The following C9 variants were observed in gnomAD, a reference collection of about 807,000 sequenced individuals.
C9 encodes complement component C9.
C9 carries 63 observed loss-of-function variants against 65.4 expected under a neutral mutation model. The ratio of observed to expected loss-of-function variants is 0.96; its 90% confidence interval spans 0.79 to 1.19. C9 has a LOEUF of 1.19. C9 is among the 50% of genes most tolerant of loss of function. The pLI is 0.00. For missense variants in C9, 744 were observed against 670.1 expected (o/e 1.11, Z -1.22); for synonymous variants, 229 against 227.9 (o/e 1.00, Z -0.04).
rs373275176 is a variant in C9 at position 39,364,351 on chromosome 5, A to C, written c.77+37T>G. On this transcript the variant is annotated intron_variant, in intron 1 of 10. Coordinates refer to ENST00000263408, the MANE Select transcript of C9 (RefSeq NM_001737.5). ...GACCTTGAGATGCTAATCCTACAGG[A>C]AACTTCCAGAGACAAGCAGAAAAGT... The C allele has an allele frequency of 2.8e-3, 3,312 of 1,187,262 alleles. 93 individuals are homozygous for C. The South Asian group carries it at 0.037, about 13-fold the overall frequency. The allele number at this position is 1,187,262 out of a possible 1,614,324, so 73.5% of individuals were successfully genotyped here.
chr5:39,308,434 T>C, intron 7 of C9, 76 bp from the exon 8 acceptor site: 1 of 1,074,206 alleles, frequency 9.3e-7, no homozygotes, highest in Non-Finnish European at 1.4e-6. Context: ...TTTGCTATTT[T>C]CAAGCAACAT....
intron 1 of C9, among the ~76,000 whole-genome samples, chr5:39,343,753 G>C (rs1267029278): frequency 6.6e-6 from 1 of 152,184 alleles, no homozygotes; most frequent in Non-Finnish European, 1.5e-5. Context: ...TCCCCAAGTA[G>C]CCTAACTGGG....
intron 6 of C9, among the ~76,000 whole-genome samples, chr5:39,314,705 T>G (rs962370453): frequency 6.6e-6 from 1 of 152,190 alleles, no homozygotes. Context: ...ACTCTTTGGC[T>G]ATCTCCTCTC....
chr5:39,341,206 C>G lies in C9; in HGVS notation c.416G>C (p.Arg139Pro), dbSNP rs144527313. The G allele has an allele frequency of 6.2e-7, 1 of 1,614,026 alleles. No individual in the cohort carries two copies. The highest frequency in any genetic ancestry group is 1.7e-5 in the Admixed American group (1 of 60,000). ...SDEDDCESEP[R>P]PPCRDRVVEE... ...TACCACTCTGTCTCTGCAGGGGGGACGGGGCTCACTTTCACAATCATCCTC... is the reference window on the plus strand; with the variant it reads ...TACCACTCTGTCTCTGCAGGGGGGAGGGGGCTCACTTTCACAATCATCCTC... Residue 139 changes from arginine (R) to proline (P), a missense_variant, in exon 4 of 11, where the codon CGT becomes CCT. Arg to Pro is a moderately radical substitution (Grantham distance 103). Coordinates refer to ENST00000263408, the MANE Select transcript of C9 (RefSeq NM_001737.5).
chr5:39,324,148 G>C (rs1579858634), intron 5 of C9, among the ~76,000 whole-genome samples: 1 of 152,148 alleles, frequency 6.6e-6, no homozygotes, highest in East Asian at 1.9e-4. Flanking sequence ...ATAAAACATT[G>C]ATGAAAGAAA....
chr5:39,285,232 T>C lies in C9; in HGVS notation c.1647A>G (p.Gly549=), dbSNP rs1752970691. The change falls in exon 11 of 11, where the codon GGA becomes GGG. Residue 549 remains glycine, a splice_region_variant and synonymous_variant. Coordinates refer to ENST00000263408, the MANE Select transcript of C9 (RefSeq NM_001737.5). Reference sequence around the variant, plus strand: ...CATTGGGGAACTCTAGGGCTGGCAATCCTAGAGAAAACAAATAAGTATCAA... The same window carrying C: ...CATTGGGGAACTCTAGGGCTGGCAACCCTAGAGAAAACAAATAAGTATCAA... ...CEISKQKISE[G]LPALEFPNEK is the part of the protein sequence containing the mutation. The C allele has an allele frequency of 1.9e-6, 3 of 1,611,952 alleles. No individual in the cohort carries two copies. The highest frequency in any genetic ancestry group is 3.3e-5 in the Admixed American group (2 of 59,912).
chr5:39,329,173 C>G (rs1406036632), intron 5 of C9, among the ~76,000 whole-genome samples: 2 of 152,092 alleles, frequency 1.3e-5, no homozygotes, highest in African/African-American at 4.8e-5. Flanking sequence ...ATCACTCCCC[C>G]CTCCCCTTTT....
At chr5:39,333,194 A>AT (rs11376618) in intron 4 of C9, among the ~76,000 whole-genome samples, 152,248 of 152,248 alleles carry the variant, frequency 1, 76,124 homozygotes, top group Non-Finnish European at 1. Flanking sequence ...ATAAATTAAA[A>AT]TTTTGTCCCA....
intron 5 of C9, among the ~76,000 whole-genome samples, chr5:39,326,529 G>T (rs541978583): frequency 8.5e-5 from 13 of 152,216 alleles, no homozygotes; most frequent in African/African-American, 3.1e-4. Context: ...AACTCTCAGG[G>T]TTTTGCTCTC....
chr5:39,308,163 A>G, intron 8 of C9, 67 bp downstream of exon 8: 1 of 1,375,660 alleles, frequency 7.3e-7, no homozygotes, highest in South Asian at 1.2e-5. Flanking sequence ...GCTCATTGCA[A>G]GAGGGCAGTG....
chr5:39,322,099 G>A (rs10213910), intron 5 of C9, among the ~76,000 whole-genome samples: 4,480 of 151,818 alleles, frequency 0.03, 202 homozygotes, highest in African/African-American at 0.1. Context: ...TCGTATATTA[G>A]GCCATAAAAC....
chr5:39,324,674 A>T (rs1007827437), intron 5 of C9, among the ~76,000 whole-genome samples: 1 of 152,200 alleles, frequency 6.6e-6, no homozygotes, highest in Admixed American at 6.5e-5. Context: ...TGGGAAATGG[A>T]AAAATCCATC....
At position 39,364,357 on chromosome 5, in the gene C9, C is replaced by G. The variant is rs1421985677; in HGVS notation, c.77+31G>C. 8 of 1,310,126 alleles carry G rather than the reference C, an allele frequency of 6.1e-6. 1 individual carries two copies. The Middle Eastern group carries it at 7.3e-4, about 119-fold the overall frequency. 81.2% of individuals were successfully genotyped at this position (1,310,126 alleles called of 1,614,324 possible). A position where few individuals can be genotyped will look rare whatever the true frequency, so the allele number is the denominator to read the frequency against. On this transcript the variant is annotated intron_variant, in intron 1 of 10. Coordinates refer to ENST00000263408, the MANE Select transcript of C9 (RefSeq NM_001737.5). Reference sequence around the variant, plus strand: ...GAGATGCTAATCCTACAGGAAACTTCCAGAGACAAGCAGAAAAGTAACTGA... The same window carrying G: ...GAGATGCTAATCCTACAGGAAACTTGCAGAGACAAGCAGAAAAGTAACTGA...
intron 1 of C9, among the ~76,000 whole-genome samples, chr5:39,363,172 T>A (rs1040775330): frequency 2.6e-5 from 4 of 152,160 alleles, no homozygotes; most frequent in Non-Finnish European, 5.9e-5. Flanking sequence ...CCTTTCCAAA[T>A]CCCTTTTGTG....
intron 1 of C9, among the ~76,000 whole-genome samples, chr5:39,361,961 A>G (rs528432235): frequency 1.4e-4 from 21 of 152,332 alleles, no homozygotes; most frequent in Admixed American, 1.3e-3. Flanking sequence ...AAGATAGCAA[A>G]GTGAAAGCAC....
intron 1 of C9, among the ~76,000 whole-genome samples, chr5:39,344,979 T>A (rs530535570): frequency 6.6e-5 from 10 of 152,142 alleles, no homozygotes; most frequent in African/African-American, 2.2e-4. Flanking sequence ...GCAGAGAGAT[T>A]TTGTCACCAC....
At chr5:39,348,449 C>T (rs1239368838) in intron 1 of C9, among the ~76,000 whole-genome samples, 12 of 152,196 alleles carry the variant, frequency 7.9e-5, no homozygotes, top group Admixed American at 3.3e-4. Flanking sequence ...ATCAGAGAAA[C>T]GCAAATCAAA....
At chr5:39,299,170 T>C (rs1438558116) in intron 9 of C9, among the ~76,000 whole-genome samples, 1 of 151,822 alleles carries the variant, frequency 6.6e-6, no homozygotes, top group Non-Finnish European at 1.5e-5. Flanking sequence ...ATTGAGAAAA[T>C]AAAGAAATCT....
intron 6 of C9, among the ~76,000 whole-genome samples, chr5:39,313,564 T>TAGA (rs2111891938): frequency 1.3e-5 from 2 of 152,316 alleles, no homozygotes; most frequent in South Asian, 4.1e-4. Context: ...AAAATGCAAT[T>TAGA]CTGGAGCACA....
Sources: gnomAD v4.1 joint callset for allele counts (sites outside exome capture counted in the v4.1 genomes callset) on GRCh38, gnomAD v4.1.1 for gene constraint, MANE v1.5 for transcripts, NCBI Gene and HGNC (gene_info 2026-07-23, HGNC 2026-07-21) for gene names.